PRKCE: variants seen among roughly 807,000 people sequenced by gnomAD.
PRKCE encodes the protein protein kinase C epsilon type.
A neutral mutation model predicts 85.4 loss-of-function variants in PRKCE; 16 were observed. The observed-to-expected ratio is 0.19, with a 90% confidence interval of 0.13 to 0.28. PRKCE has a LOEUF of 0.28. PRKCE is among the 10% of genes least tolerant of loss of function. PRKCE has a pLI of 1.00. For missense variants in PRKCE, 573 were observed against 975.2 expected (o/e 0.59, Z 5.49); for synonymous variants, 388 against 371.5 (o/e 1.04, Z -0.51).
In PRKCE at chr2:45,841,443, A is replaced by G. The variant is rs143819441; in HGVS notation, c.349-1557A>G. On this transcript the variant is annotated intron_variant, in intron 1 of 14. Transcript: ENST00000306156. ...TGGGGTCTGATGTTTGAGGGCAAAA[A>G]GCATCCAGCACAAGAGAAAGATGAA... Among the ~76,000 whole-genome samples, 323 of 152,344 alleles carry G rather than the reference A, an allele frequency of 2.1e-3. 2 individuals carry two copies. Among genetic ancestry groups the G allele is most frequent in the African/African-American group, 7.6e-3 (316 of 41,582 alleles).
intron 8 of PRKCE, among the ~76,000 whole-genome samples, chr2:46,005,394 G>C (rs547212988): frequency 6.6e-6 from 1 of 152,264 alleles, no homozygotes; most frequent in East Asian, 1.9e-4. Context: ...CTGCAGAAGA[G>C]GAATAACCAT....
rs1219562615 is a variant in PRKCE at position 46,184,440 on chromosome 2, C to G, written c.2068-295C>G. On this transcript the variant is annotated intron_variant, in intron 14 of 14. Transcript: ENST00000306156. The surrounding 1 kb of genome is among the most constrained non-coding windows in gnomAD (Gnocchi z 5.0). ...TTTGCATCATACACACACAAACACA[C>G]ACACACACACACACACACACACGTC... Among the ~76,000 whole-genome samples, 1 of 151,110 alleles carries G rather than the reference C, an allele frequency of 6.6e-6. No homozygotes were observed. Among genetic ancestry groups the G allele is most frequent in the Admixed American group, 6.6e-5 (1 of 15,198 alleles).
At chr2:45,671,300 T>G (rs1270949810) in intron 1 of PRKCE, among the ~76,000 whole-genome samples, 3 of 152,240 alleles carry the variant, frequency 2.0e-5, no homozygotes, top group Non-Finnish European at 4.4e-5. Context: ...GGAAGTTAAA[T>G]GATGAATTGG....
chr2:45,661,932 G>C (rs61421760), intron 1 of PRKCE, among the ~76,000 whole-genome samples: 13 of 152,258 alleles, frequency 8.5e-5, no homozygotes, highest in African/African-American at 3.1e-4. Context: ...TTTTTGAATA[G>C]ATTTGTTTTT....
intron 1 of PRKCE, 58 bp from the exon 2 acceptor site, chr2:45,842,942 A>G: frequency 2.0e-6 from 3 of 1,495,184 alleles, no homozygotes; most frequent in Non-Finnish European, 2.8e-6. Flanking sequence ...ATGTTGTGGA[A>G]CTCTTAGGTT....
intron 1 of PRKCE, among the ~76,000 whole-genome samples, chr2:45,768,872 T>C (rs909490707): frequency 1.3e-5 from 2 of 152,210 alleles, no homozygotes; most frequent in African/African-American, 4.8e-5. Context: ...TGCAGTAGGC[T>C]ACTGGAGGCC....
At chr2:45,712,452 G>A (rs1363186106) in intron 1 of PRKCE, among the ~76,000 whole-genome samples, 2 of 152,010 alleles carry the variant, frequency 1.3e-5, no homozygotes, top group African/African-American at 4.8e-5. Flanking sequence ...CACTGCGCCC[G>A]GCCTGTCCTG....
intron 2 of PRKCE, among the ~76,000 whole-genome samples, chr2:45,867,335 A>C (rs1322226074): frequency 6.6e-6 from 1 of 152,246 alleles, no homozygotes; most frequent in African/African-American, 2.4e-5. Context: ...TTCGAACTTG[A>C]GACAAACTGA....
intron 11 of PRKCE, among the ~76,000 whole-genome samples, chr2:46,114,227 G>A (rs918014434): frequency 3.9e-5 from 6 of 152,016 alleles, no homozygotes; most frequent in East Asian, 1.9e-4. Flanking sequence ...AACTTCGGGG[G>A]TATAAACCTG....
At chr2:45,825,807 G>C (rs993891642) in intron 1 of PRKCE, among the ~76,000 whole-genome samples, 1 of 152,136 alleles carries the variant, frequency 6.6e-6, no homozygotes, top group African/African-American at 2.4e-5. Context: ...AAGATCACTT[G>C]AGCCCAGGAG....
intron 10 of PRKCE, among the ~76,000 whole-genome samples, chr2:46,026,910 G>T (rs995187371): frequency 6.6e-6 from 1 of 152,186 alleles, no homozygotes; most frequent in Admixed American, 6.5e-5. Context: ...GCAAGGGGCC[G>T]GGTGTGGTGG....
intron 1 of PRKCE, among the ~76,000 whole-genome samples, chr2:45,680,619 C>G (rs1402769016): frequency 6.6e-6 from 1 of 152,198 alleles, no homozygotes; most frequent in African/African-American, 2.4e-5. Flanking sequence ...GGCTAAAACT[C>G]ACAGACTCTC....
chr2:45,866,342 C>T (rs1245062960), intron 2 of PRKCE, among the ~76,000 whole-genome samples: 1 of 152,102 alleles, frequency 6.6e-6, no homozygotes, highest in Non-Finnish European at 1.5e-5. Context: ...GAATCTCGCT[C>T]TGTTACCGAG....
chr2:46,018,049 A>C, intron 10 of PRKCE, among the ~76,000 whole-genome samples: 1 of 152,212 alleles, frequency 6.6e-6, no homozygotes, highest in East Asian at 1.9e-4. Context: ...TCAATTTTAC[A>C]TGAACTCAAT....
At chr2:46,007,281 G>T (rs192869051) in intron 8 of PRKCE, among the ~76,000 whole-genome samples, 181 bp from the exon 9 acceptor site, 150 of 152,304 alleles carry the variant, frequency 9.8e-4, no homozygotes, top group Middle Eastern at 3.4e-3. Context: ...CTGCGCATTA[G>T]GTGCCAATAA....
chr2:45,815,289 G>C (rs1042825313), intron 1 of PRKCE, among the ~76,000 whole-genome samples: 3 of 152,178 alleles, frequency 2.0e-5, no homozygotes, highest in African/African-American at 7.2e-5. Context: ...CAAAGTGTTA[G>C]TTCTAGAACC....
intron 2 of PRKCE, among the ~76,000 whole-genome samples, chr2:45,944,760 C>A (rs1700129407): frequency 6.8e-6 from 1 of 148,060 alleles, no homozygotes; most frequent in African/African-American, 2.5e-5. Flanking sequence ...CCTTGGCCTC[C>A]CAAAGTGCTG....
At chr2:45,891,502 C>A (rs1573770239) in intron 2 of PRKCE, among the ~76,000 whole-genome samples, 1 of 152,202 alleles carries the variant, frequency 6.6e-6, no homozygotes, top group East Asian at 1.9e-4. Context: ...GAATCCTAAA[C>A]CATCCCTGTG....
chr2:45,909,950 C>T (rs542918781), intron 2 of PRKCE, among the ~76,000 whole-genome samples: 1 of 152,204 alleles, frequency 6.6e-6, no homozygotes, highest in Non-Finnish European at 1.5e-5. Context: ...TGCCTTCTCC[C>T]TCAAATAGAA....
Sources: gnomAD v4.1 joint callset for allele counts (sites outside exome capture counted in the v4.1 genomes callset) on GRCh38, gnomAD v4.1.1 for gene constraint, Gnocchi (gnomAD v3.1) non-coding constraint, MANE v1.5 for transcripts, NCBI Gene and HGNC (gene_info 2026-07-23, HGNC 2026-07-21) for gene names.